The following MAP2K1 variants were observed in gnomAD, a reference collection of about 807,000 sequenced individuals.
MAP2K1 encodes the protein dual specificity mitogen-activated protein kinase kinase 1.
In MAP2K1, 16 loss-of-function variants were observed where a neutral mutation model predicts 46.3. That is an observed-to-expected ratio of 0.35 (90% CI 0.23 to 0.52). MAP2K1 has a LOEUF of 0.52. Among genes scored for constraint, MAP2K1 ranks in the 20% least tolerant of loss-of-function variants. MAP2K1 has a pLI of 0.94. For synonymous variants in MAP2K1, 183 were observed against 185.6 expected (o/e 0.99, Z 0.11); for missense variants, 263 against 497.1 (o/e 0.53, Z 4.48).
chr15:66,442,861 G>A (rs1487860547), intron 3 of MAP2K1, among the ~76,000 whole-genome samples: 1 of 152,124 alleles, frequency 6.6e-6, no homozygotes, highest in Non-Finnish European at 1.5e-5. Context: ...CGATTAATTT[G>A]CTGGATTGGC....
At chr15:66,434,569 G>A (rs8042644) in intron 1 of MAP2K1, among the ~76,000 whole-genome samples, 20,534 of 152,096 alleles carry the variant, frequency 0.14, 1,436 homozygotes, top group Non-Finnish European at 0.15. Flanking sequence ...TTGAAAATGA[G>A]GATTTCTACT....
At chr15:66,464,165 G>A (rs1462206885) in intron 5 of MAP2K1, among the ~76,000 whole-genome samples, 1 of 152,116 alleles carries the variant, frequency 6.6e-6, no homozygotes, top group Non-Finnish European at 1.5e-5. Context: ...TTCGTCTCAG[G>A]TTTCATCGGA....
intron 1 of MAP2K1, among the ~76,000 whole-genome samples, chr15:66,388,082 T>C (rs2093346824): frequency 6.6e-6 from 1 of 152,212 alleles, no homozygotes; most frequent in Non-Finnish European, 1.5e-5. Flanking sequence ...AACCATTTTC[T>C]CACTAATGAT....
chr15:66,437,324 G>T (rs893331008), intron 3 of MAP2K1, among the ~76,000 whole-genome samples: 1 of 152,228 alleles, frequency 6.6e-6, no homozygotes, highest in African/African-American at 2.4e-5. Flanking sequence ...TATGATGCAC[G>T]TTAGTGGAAG....
intron 1 of MAP2K1, among the ~76,000 whole-genome samples, chr15:66,395,185 T>C (rs1421903360): frequency 6.6e-6 from 1 of 152,234 alleles, no homozygotes; most frequent in African/African-American, 2.4e-5. Context: ...TACTGTGTTT[T>C]TTCCTATGCA....
chr15:66,488,842 C>T lies in MAP2K1; in HGVS notation c.961-373C>T, dbSNP rs1441314705. 13 of 309,004 alleles carry T rather than the reference C, an allele frequency of 4.2e-5. No individual in the cohort carries two copies. The East Asian group carries it at 9.9e-4, about 23-fold the overall frequency. 19.1% of individuals were successfully genotyped at this position (309,004 alleles called of 1,614,324 possible). A position where few individuals can be genotyped will look rare whatever the true frequency, so the allele number is the denominator to read the frequency against. ...TCCCATGCCGCACTCCAAGATTTAC[C>T]ATTGTAGAGTGTCAGAGCTTGAAAG... On this transcript the variant is annotated intron_variant, in intron 8 of 10. Coordinates refer to ENST00000307102, the MANE Select transcript of MAP2K1 (RefSeq NM_002755.4).
At chr15:66,449,478 A>G (rs1891975989) in intron 5 of MAP2K1, among the ~76,000 whole-genome samples, 1 of 149,628 alleles carries the variant, frequency 6.7e-6, no homozygotes, top group African/African-American at 2.6e-5. Context: ...TTTAACATCA[A>G]AGTGCATAAG....
rs1555413432 is a variant in MAP2K1, at chr15:66,403,829, CA to C, written c.80+16403del. ...CCCTCAGTCCATTTGAGAGTAGACT[CA>C]GAGTCAGAATTATTTGCCCCCTTTG... On this transcript the variant is annotated intron_variant, in intron 1 of 10. Transcript: ENST00000307102. Among the ~76,000 whole-genome samples, 3 of 152,162 alleles carry C rather than the reference CA, an allele frequency of 2.0e-5. No homozygotes were observed. The South Asian group carries it at 6.2e-4, about 32-fold the overall frequency.
intron 5 of MAP2K1, among the ~76,000 whole-genome samples, chr15:66,479,044 GT>G (rs1244467202): frequency 5.3e-5 from 8 of 152,038 alleles, no homozygotes; most frequent in South Asian, 4.1e-4. Flanking sequence ...GCTTTACCCA[GT>G]TTTTGCTGTG....
At chr15:66,423,347 A>G (rs2093448296) in intron 1 of MAP2K1, among the ~76,000 whole-genome samples, 3 of 152,014 alleles carry the variant, frequency 2.0e-5, no homozygotes, top group Admixed American at 6.6e-5. Flanking sequence ...CATCTGGGTC[A>G]TCTGAGTCTG....
intron 1 of MAP2K1, among the ~76,000 whole-genome samples, chr15:66,396,995 C>CTTTTTTTT (rs57043037): frequency 1.8e-4 from 7 of 39,274 alleles, no homozygotes; most frequent in African/African-American, 7.0e-4. Flanking sequence ...TGTAACGCTT[C>CTTTTTTTT]TTTTTTTTTT....
At chr15:66,411,937 G>T (rs190141600) in intron 1 of MAP2K1, among the ~76,000 whole-genome samples, 60 of 152,276 alleles carry the variant, frequency 3.9e-4, no homozygotes, top group Admixed American at 1.1e-3. Context: ...ATGGTTAGAT[G>T]ACCAGTTACC....
chr15:66,437,156 T>C (rs1489954902), intron 3 of MAP2K1, among the ~76,000 whole-genome samples: 1 of 152,206 alleles, frequency 6.6e-6, no homozygotes. Flanking sequence ...GTTTTTTTGA[T>C]TCTGATTACC....
intron 1 of MAP2K1, among the ~76,000 whole-genome samples, chr15:66,391,944 G>A (rs894640100): frequency 2.0e-5 from 3 of 152,172 alleles, no homozygotes; most frequent in African/African-American, 7.2e-5. Flanking sequence ...GATAGAATAG[G>A]TTATGTTGAG....
intron 1 of MAP2K1, among the ~76,000 whole-genome samples, chr15:66,393,266 C>G (rs2093360862): frequency 6.6e-6 from 1 of 152,008 alleles, no homozygotes; most frequent in South Asian, 2.1e-4. Context: ...CAACCCCTCC[C>G]CACAAGGTTC....
At chr15:66,480,558 A>G (rs1248217350) in intron 5 of MAP2K1, among the ~76,000 whole-genome samples, 1 of 152,102 alleles carries the variant, frequency 6.6e-6, no homozygotes, top group Non-Finnish European at 1.5e-5. Flanking sequence ...CAATGTAGTG[A>G]GACTCTGTGT....
At chr15:66,443,150 G>T in intron 3 of MAP2K1, 130 bp from the exon 4 acceptor site, 2 of 506,750 alleles carry the variant, frequency 3.9e-6, no homozygotes, top group East Asian at 5.1e-5. Flanking sequence ...GCAGTGGTGT[G>T]ATCTCGGCTC....
intron 1 of MAP2K1, among the ~76,000 whole-genome samples, chr15:66,407,324 G>A (rs1047433101): frequency 3.3e-5 from 5 of 151,930 alleles, no homozygotes; most frequent in Admixed American, 6.5e-5. Context: ...CCCCACAAGC[G>A]TTTCATTTGA....
chr15:66,483,950 G>A (rs572691392), intron 6 of MAP2K1, among the ~76,000 whole-genome samples: 9 of 151,744 alleles, frequency 5.9e-5, no homozygotes, highest in Non-Finnish European at 1.2e-4. Context: ...GGGTTTCACC[G>A]TGTTAGCCAG....
Sources: allele counts gnomAD v4.1 joint callset (sites outside exome capture counted in the v4.1 genomes callset), GRCh38; gene constraint gnomAD v4.1.1; transcripts MANE v1.5; gene names NCBI Gene and HGNC (gene_info 2026-07-23, HGNC 2026-07-21).